RBFOX1: variants seen among roughly 807,000 people sequenced by gnomAD.
The protein encoded by RBFOX1 is RNA binding fox-1 homolog 1.
A neutral mutation model predicts 57.7 loss-of-function variants in RBFOX1; 8 were observed. The observed-to-expected ratio is 0.14, with a 90% CI of 0.08 to 0.25. The LOEUF is 0.25. Ranked by LOEUF, RBFOX1 falls within the 10% of genes least tolerant of loss-of-function variation. The probability of loss-of-function intolerance (pLI) is 1.00; values close to 1 mark genes in which losing one functional copy is unlikely to be tolerated. For missense variants in RBFOX1, 611 were observed against 548.5 expected (o/e 1.11, Z -1.14); for synonymous variants, 326 against 222.4 (o/e 1.47, Z -4.15).
chr16:7,368,977 T>A (rs6500951), intron 4 of RBFOX1, among the ~76,000 whole-genome samples: 55,532 of 151,654 alleles, frequency 0.37, 11,758 homozygotes, highest in African/African-American at 0.59. Context: ...AACACAATGA[T>A]CCTGCAGCTG....
chr16:7,415,790 A>G (rs2098472437), intron 4 of RBFOX1, among the ~76,000 whole-genome samples: 1 of 152,096 alleles, frequency 6.6e-6, no homozygotes, highest in Non-Finnish European at 1.5e-5. Flanking sequence ...ATAAGAGTAT[A>G]TATATATCTT....
chr16:5,888,301 T>C (rs1399853196), intron 4 of RBFOX1, among the ~76,000 whole-genome samples: 1 of 152,232 alleles, frequency 6.6e-6, no homozygotes, highest in Non-Finnish European at 1.5e-5. Context: ...TCATTATCCA[T>C]CCCAAAGTGA....
At chr16:6,468,278 G>T (rs1236174307) in intron 2 of RBFOX1, among the ~76,000 whole-genome samples, 1 of 152,064 alleles carries the variant, frequency 6.6e-6, no homozygotes, top group African/African-American at 2.4e-5. Context: ...CCAAATAAAG[G>T]CTTATAGCAA....
At chr16:6,684,678 G>C (rs547139632) in intron 3 of RBFOX1, among the ~76,000 whole-genome samples, 1 of 152,178 alleles carries the variant, frequency 6.6e-6, no homozygotes, top group Non-Finnish European at 1.5e-5. Context: ...TTGATCTGGA[G>C]CCCTAGAGGA....
At chr16:6,039,769 A>G (rs1043913029) in intron 1 of RBFOX1, among the ~76,000 whole-genome samples, 5 of 152,362 alleles carry the variant, frequency 3.3e-5, no homozygotes, top group Admixed American at 3.3e-4. Context: ...AAATTAATGC[A>G]AAACATACCA....
At chr16:6,794,446 C>T (rs1188516861) in intron 3 of RBFOX1, among the ~76,000 whole-genome samples, 6 of 151,944 alleles carry the variant, frequency 3.9e-5, no homozygotes, top group Non-Finnish European at 5.9e-5. Context: ...CTTCAGGATG[C>T]AGGGGGAGGG....
chr16:7,601,191 G>A (rs1016436954), intron 9 of RBFOX1, among the ~76,000 whole-genome samples: 2 of 152,142 alleles, frequency 1.3e-5, no homozygotes, highest in South Asian at 2.1e-4. Context: ...TTTGTTGCCC[G>A]GATCAGTTCT....
intron 3 of RBFOX1, among the ~76,000 whole-genome samples, chr16:6,963,808 C>A (rs1167445250): frequency 2.6e-5 from 4 of 151,652 alleles, no homozygotes; most frequent in South Asian, 2.1e-4. Context: ...ATGCCATTCT[C>A]CTGCCTCAGC....
intron 3 of RBFOX1, among the ~76,000 whole-genome samples, chr16:6,714,901 G>T (rs960013175): frequency 6.6e-6 from 1 of 152,142 alleles, no homozygotes; most frequent in African/African-American, 2.4e-5. Flanking sequence ...CTGGAAATAA[G>T]GAAGCTAAAA....
At chr16:6,775,073 C>T (rs777417243) in intron 3 of RBFOX1, among the ~76,000 whole-genome samples, 1 of 151,734 alleles carries the variant, frequency 6.6e-6, no homozygotes, top group South Asian at 2.1e-4. Flanking sequence ...CGCCTGTAAT[C>T]CCAGCACTTT....
chr16:5,657,789 G>A (rs1251070613), intron 3 of RBFOX1, among the ~76,000 whole-genome samples: 3 of 128,470 alleles, frequency 2.3e-5, no homozygotes, highest in East Asian at 2.3e-4. Context: ...TTGGAGTACA[G>A]TAGCACGATC....
chr16:7,233,987 C>T (rs542236417), intron 4 of RBFOX1, among the ~76,000 whole-genome samples: 1 of 152,120 alleles, frequency 6.6e-6, no homozygotes, highest in East Asian at 1.9e-4. Flanking sequence ...GAGCTTAATT[C>T]TATTTTGATA....
At chr16:6,354,535 T>C (rs576504302) in intron 2 of RBFOX1, among the ~76,000 whole-genome samples, 20 of 152,254 alleles carry the variant, frequency 1.3e-4, no homozygotes, top group African/African-American at 4.6e-4. Context: ...TTTCCCAAGA[T>C]CAGGACCAAA....
chr16:6,718,850 T>C (rs925787800), intron 3 of RBFOX1, among the ~76,000 whole-genome samples: 3 of 152,080 alleles, frequency 2.0e-5, no homozygotes, highest in Non-Finnish European at 2.9e-5. Context: ...TTTTTTCTTA[T>C]CTTTTTTTTT....
At chr16:5,762,666 T>G (rs1225566858) in intron 3 of RBFOX1, among the ~76,000 whole-genome samples, 1 of 152,218 alleles carries the variant, frequency 6.6e-6, no homozygotes, top group Non-Finnish European at 1.5e-5. Flanking sequence ...CTGCATTGTT[T>G]ATAATAATGA....
intron 4 of RBFOX1, among the ~76,000 whole-genome samples, chr16:7,288,236 T>G (rs2095689243): frequency 6.6e-6 from 1 of 152,178 alleles, no homozygotes; most frequent in Non-Finnish European, 1.5e-5. Context: ...GGAGAAAGAA[T>G]CCACTCTCAG....
chr16:7,286,448 ATTTTTTTT>A (rs940492155), intron 4 of RBFOX1, among the ~76,000 whole-genome samples: 19 of 121,870 alleles, frequency 1.6e-4, no homozygotes, highest in African/African-American at 5.9e-4. Context: ...ATACTTTCTT[ATTTTTTTT>A]TTTTTTTTTT....
chr16:7,217,895 TATGTGTGTGC>T (rs1473622085), intron 4 of RBFOX1, among the ~76,000 whole-genome samples: 3 of 129,020 alleles, frequency 2.3e-5, no homozygotes, highest in East Asian at 3.5e-4. Flanking sequence ...TGTGCATGCG[TATGTGTGTGC>T]ATGTGTGTGT....
intron 2 of RBFOX1, among the ~76,000 whole-genome samples, chr16:6,363,420 C>T (rs2088980180): frequency 6.6e-6 from 1 of 152,188 alleles, no homozygotes; most frequent in Non-Finnish European, 1.5e-5. Flanking sequence ...CAGAATGAGG[C>T]AGAAATACTG....
Sources: gnomAD v4.1 joint callset for allele counts (sites outside exome capture counted in the v4.1 genomes callset) on GRCh38, gnomAD v4.1.1 for gene constraint, MANE v1.5 for transcripts, NCBI Gene and HGNC (gene_info 2026-07-23, HGNC 2026-07-21) for gene names.